The following KDM4C variants were observed in gnomAD, a reference collection of about 807,000 sequenced individuals.
The protein encoded by KDM4C is lysine-specific demethylase 4C.
In KDM4C, 81 loss-of-function variants were observed where a neutral mutation model predicts 129.3. That is an observed-to-expected ratio of 0.63 (90% CI 0.52 to 0.75). The LOEUF is 0.75. Among genes scored for constraint, KDM4C ranks in the 30% least tolerant of loss-of-function variants. The pLI, the probability that KDM4C is intolerant of heterozygous loss-of-function variation, is 0.00. For missense variants in KDM4C, 1,457 were observed against 1,304.0 expected (o/e 1.12, Z -1.81); for synonymous variants, 573 against 456.1 (o/e 1.26, Z -3.26).
rs902052807 is a variant in KDM4C at position 7,089,818 on chromosome 9, G to T, written c.2425-13867G>T. 3.9e-4 allele frequency among the ~76,000 whole-genome samples: 59 copies of T among 152,332 alleles called. 1 individual carries two copies. Among genetic ancestry groups the T allele is most frequent in the Admixed American group, 3.5e-3 (53 of 15,292 alleles). ...AACAAAACCTTGCCATATTTTGCTG[G>T]CTCGGCCTTTCCTTTGCTCAGATTT... On this transcript the variant is annotated intron_variant, in intron 17 of 21. Coordinates refer to ENST00000381309, the MANE Select transcript of KDM4C (RefSeq NM_015061.6).
At chr9:6,836,058 G>C (rs550824045) in intron 4 of KDM4C, among the ~76,000 whole-genome samples, 3 of 152,180 alleles carry the variant, frequency 2.0e-5, no homozygotes, top group Admixed American at 1.3e-4. Context: ...TTGTCCCCCA[G>C]CTTGAGATGT....
At chr9:6,953,759 A>G (rs1044654933) in intron 8 of KDM4C, among the ~76,000 whole-genome samples, 3 of 152,192 alleles carry the variant, frequency 2.0e-5, no homozygotes, top group African/African-American at 7.2e-5. Flanking sequence ...AATAGTGAAT[A>G]CACTGATTTT....
Position 7,098,219 on chromosome 9 carries a change from A to G in KDM4C, c.2425-5466A>G, listed in dbSNP as rs985722298. On this transcript the variant is annotated intron_variant, in intron 17 of 21. Transcript: ENST00000381309. The stretch of plus-strand genomic sequence containing the variant: ...CCTTATTTTGAATACATGTAACCTT[A>G]TATCTGATCCCTGGCCACCTCTGTC... Among the ~76,000 whole-genome samples, 3 of 152,292 alleles carry G rather than the reference A, an allele frequency of 2.0e-5. No individual in the cohort carries two copies. The East Asian group carries it at 5.8e-4, about 29-fold the overall frequency.
At chr9:7,070,923 A>G (rs1321515798) in intron 17 of KDM4C, among the ~76,000 whole-genome samples, 1 of 152,200 alleles carries the variant, frequency 6.6e-6, no homozygotes, top group Non-Finnish European at 1.5e-5. Context: ...TTATTTCCAT[A>G]AAGTCCCAAA....
Position 6,805,770 on chromosome 9 carries a change from G to C in KDM4C, c.316G>C (p.Gly106Arg). ...VKEFRQLANS[G>R]KYCTPRYLDY... is the part of the protein sequence containing the mutation. ...GGAGTTCAGGCAGCTGGCCAACAGT[G>C]GCAAGTGAGTAGAATCAGTTTGCTA... is the stretch of plus-strand genomic sequence containing the variant. The change falls in exon 3 of 22, where the codon GGC (glycine) becomes CGC (arginine). Residue 106 changes from glycine (G) to arginine (R), a missense_variant. Transcript: ENST00000381309. The C allele has an allele frequency of 6.2e-7, 1 of 1,610,118 alleles. No individual in the cohort carries two copies. Among genetic ancestry groups the C allele is most frequent in the Non-Finnish European group, 8.5e-7 (1 of 1,178,716 alleles).
At chr9:7,090,694 C>T (rs1301119086) in intron 17 of KDM4C, among the ~76,000 whole-genome samples, 1 of 152,212 alleles carries the variant, frequency 6.6e-6, no homozygotes, top group East Asian at 1.9e-4. Context: ...AACCGTAACA[C>T]TATTTCTACA....
At chr9:6,906,706 T>G (rs1191416642) in intron 8 of KDM4C, among the ~76,000 whole-genome samples, 4 of 152,236 alleles carry the variant, frequency 2.6e-5, no homozygotes, top group Non-Finnish European at 5.9e-5. Context: ...CCTCCCCAAG[T>G]GCTGGAATTA....
At chr9:6,834,886 C>A in intron 4 of KDM4C, 2 of 1,292,454 alleles carry the variant, frequency 1.5e-6, no homozygotes, top group African/African-American at 1.5e-5. Context: ...CCCTGTACTT[C>A]TTTGGCTGTA....
At chr9:6,851,995 C>G (rs1838932012) in intron 5 of KDM4C, among the ~76,000 whole-genome samples, 1 of 152,158 alleles carries the variant, frequency 6.6e-6, no homozygotes, top group African/African-American at 2.4e-5. Flanking sequence ...CACTATTATC[C>G]TTAACCTTGG....
intron 8 of KDM4C, among the ~76,000 whole-genome samples, chr9:6,963,590 G>T (rs1342239218): frequency 6.6e-6 from 1 of 152,208 alleles, no homozygotes; most frequent in Non-Finnish European, 1.5e-5. Context: ...TAACAATACA[G>T]AGAAAGATTC....
intron 1 of KDM4C, among the ~76,000 whole-genome samples, chr9:6,782,841 A>G (rs1446097054): frequency 6.6e-6 from 1 of 152,206 alleles, no homozygotes; most frequent in Non-Finnish European, 1.5e-5. Flanking sequence ...TGGTGAACTA[A>G]AGGTGGGAAA....
At chr9:7,035,489 G>A (rs1827484774) in intron 15 of KDM4C, among the ~76,000 whole-genome samples, 1 of 150,994 alleles carries the variant, frequency 6.6e-6, no homozygotes, top group Non-Finnish European at 1.5e-5. Flanking sequence ...TTTTTCGCTT[G>A]ATATATCCCA....
chr9:6,823,283 A>T (rs756866390), intron 4 of KDM4C, among the ~76,000 whole-genome samples: 1 of 152,158 alleles, frequency 6.6e-6, no homozygotes, highest in Non-Finnish European at 1.5e-5. Flanking sequence ...GTCAGTCTTC[A>T]GTGGCCCCTT....
intron 4 of KDM4C, chr9:6,834,843 C>G (rs1835577562): frequency 1.5e-6 from 2 of 1,378,342 alleles, no homozygotes; most frequent in Non-Finnish European, 2.1e-6. Context: ...TTCATCACCC[C>G]AGCCATGTAC....
At chr9:7,035,842 A>G (rs937066570) in intron 15 of KDM4C, among the ~76,000 whole-genome samples, 2 of 152,020 alleles carry the variant, frequency 1.3e-5, no homozygotes, top group African/African-American at 2.4e-5. Context: ...CCCTTGATGT[A>G]TGTGTCTGTT....
intron 15 of KDM4C, among the ~76,000 whole-genome samples, chr9:7,030,743 A>G (rs1826586868): frequency 6.6e-6 from 1 of 152,230 alleles, no homozygotes; most frequent in Admixed American, 6.5e-5. Flanking sequence ...CAGTTAATTC[A>G]GGAGAATTTG....
intron 7 of KDM4C, among the ~76,000 whole-genome samples, chr9:6,891,277 A>G (rs188249560): frequency 6.6e-6 from 1 of 152,332 alleles, no homozygotes; most frequent in Non-Finnish European, 1.5e-5. Context: ...TGGCTGATGA[A>G]TAAATAAGCA....
chr9:6,862,140 G>A (rs1203648156), intron 5 of KDM4C, among the ~76,000 whole-genome samples: 1 of 152,142 alleles, frequency 6.6e-6, no homozygotes, highest in African/African-American at 2.4e-5. Flanking sequence ...TCTAATCAGA[G>A]ACAGAAAACT....
chr9:6,826,192 C>A (rs1241646977), intron 4 of KDM4C, among the ~76,000 whole-genome samples: 1 of 146,434 alleles, frequency 6.8e-6, no homozygotes, highest in Non-Finnish European at 1.5e-5. Context: ...TTTTTTTTTG[C>A]TATGCTCGTA....
Sources: gnomAD v4.1 joint callset for allele counts (sites outside exome capture counted in the v4.1 genomes callset) on GRCh38, gnomAD v4.1.1 for gene constraint, MANE v1.5 for transcripts, NCBI Gene and HGNC (gene_info 2026-07-23, HGNC 2026-07-21) for gene names.